The following SLC35F3 variants were observed in gnomAD, a reference collection of about 807,000 sequenced individuals.
The protein encoded by SLC35F3 is putative thiamine transporter SLC35F3.
SLC35F3 carries 25 observed loss-of-function variants against 49.9 expected under a neutral mutation model. That is an observed-to-expected ratio of 0.50 (90% CI 0.37 to 0.70). The LOEUF is 0.70. Among genes scored for constraint, SLC35F3 ranks in the 30% least tolerant of loss-of-function variants. The pLI is 0.00. For missense variants in SLC35F3, 525 were observed against 639.8 expected, an observed-to-expected ratio of 0.82 and a Z score of 1.94; for synonymous variants, 275 against 265.4, an observed-to-expected ratio of 1.04 and a Z score of -0.35.
At chr1:234,167,508 G>A (rs928033543) in intron 2 of SLC35F3, among the ~76,000 whole-genome samples, 1 of 152,172 alleles carries the variant, frequency 6.6e-6, no homozygotes, top group Non-Finnish European at 1.5e-5. Context: ...TGGAGCTACT[G>A]TATTTTGATT....
At chr1:234,241,964 G>A (rs577696630) in intron 3 of SLC35F3, among the ~76,000 whole-genome samples, 17 of 152,154 alleles carry the variant, frequency 1.1e-4, no homozygotes, top group Admixed American at 2.0e-4. Flanking sequence ...ATATTTCTTT[G>A]GGTAATAATC....
chr1:233,993,981 G>T (rs890375032), intron 2 of SLC35F3, among the ~76,000 whole-genome samples: 1 of 152,202 alleles, frequency 6.6e-6, no homozygotes, highest in African/African-American at 2.4e-5. Context: ...CTGGTTACCA[G>T]AGTGAAAAAT....
intron 2 of SLC35F3, among the ~76,000 whole-genome samples, chr1:234,170,694 C>T (rs1407737944): frequency 6.6e-6 from 1 of 152,168 alleles, no homozygotes; most frequent in African/African-American, 2.4e-5. Context: ...GAGGCCAGAG[C>T]TGAAAACAAG....
intron 2 of SLC35F3, among the ~76,000 whole-genome samples, chr1:234,038,087 A>G (rs1664170080): frequency 6.7e-6 from 1 of 149,672 alleles, no homozygotes; most frequent in African/African-American, 2.5e-5. Flanking sequence ...AGCATTAGGT[A>G]TATCTCCTAA....
chr1:234,000,064 C>T (rs1366701881), intron 2 of SLC35F3, among the ~76,000 whole-genome samples: 1 of 152,182 alleles, frequency 6.6e-6, no homozygotes, highest in African/African-American at 2.4e-5. Flanking sequence ...TCCTCTTAAT[C>T]ACAAAAACTC....
intron 3 of SLC35F3, among the ~76,000 whole-genome samples, chr1:234,301,521 T>C (rs1175433005): frequency 6.6e-6 from 1 of 152,184 alleles, no homozygotes; most frequent in Non-Finnish European, 1.5e-5. Flanking sequence ...GAATGGCAAT[T>C]ATTAAAAAGT....
intron 2 of SLC35F3, among the ~76,000 whole-genome samples, chr1:233,998,915 G>A (rs1663505361): frequency 6.6e-6 from 1 of 152,116 alleles, no homozygotes; most frequent in Non-Finnish European, 1.5e-5. Context: ...GCCTCTGGGT[G>A]CCAGACAGTT....
At chr1:234,186,259 C>G (rs118137502) in intron 2 of SLC35F3, among the ~76,000 whole-genome samples, 1 of 151,802 alleles carries the variant, frequency 6.6e-6, no homozygotes, top group Admixed American at 6.6e-5. Flanking sequence ...CAGTGGGCTC[C>G]GCTCTGCTGA....
chr1:233,938,689 G>A (rs1409682919), intron 2 of SLC35F3, among the ~76,000 whole-genome samples: 1 of 151,696 alleles, frequency 6.6e-6, no homozygotes, highest in African/African-American at 2.4e-5. Context: ...TGGATGGATG[G>A]ATGGATGGAT....
chr1:234,033,092 G>A (rs558619171), intron 2 of SLC35F3, among the ~76,000 whole-genome samples: 4 of 151,322 alleles, frequency 2.6e-5, no homozygotes, highest in South Asian at 2.1e-4. Context: ...TTTGATTTGC[G>A]TTTCCCTGAT....
At chr1:234,220,430 T>C (rs1214504375) in intron 2 of SLC35F3, among the ~76,000 whole-genome samples, 1 of 152,164 alleles carries the variant, frequency 6.6e-6, no homozygotes, top group Non-Finnish European at 1.5e-5. Context: ...ACAGCAGCAG[T>C]CCACACATGA....
At chr1:234,090,938 C>A (rs539848209) in intron 2 of SLC35F3, among the ~76,000 whole-genome samples, 1 of 152,174 alleles carries the variant, frequency 6.6e-6, no homozygotes, top group Non-Finnish European at 1.5e-5. Context: ...GTTAGCCCTC[C>A]GTTTCAACAC....
intron 2 of SLC35F3, among the ~76,000 whole-genome samples, chr1:234,082,630 G>T (rs1039942278): frequency 6.6e-6 from 1 of 152,130 alleles, no homozygotes; most frequent in African/African-American, 2.4e-5. Context: ...TCACACTGCT[G>T]ATGAAGACAT....
intron 3 of SLC35F3, among the ~76,000 whole-genome samples, chr1:234,295,213 A>T (rs1668573262): frequency 6.6e-6 from 1 of 152,240 alleles, no homozygotes; most frequent in African/African-American, 2.4e-5. Context: ...ACAGCAGGTG[A>T]CATTAACATG....
At chr1:234,309,028 ACT>A in intron 3 of SLC35F3, 71 bp from the exon 4 acceptor site, 1 of 1,290,712 alleles carries the variant, frequency 7.7e-7, no homozygotes, top group Non-Finnish European at 1.1e-6. Context: ...AAAAAAAAAA[ACT>A]TGCTATAGGA....
At chr1:234,314,073 C>A (rs1031001597) in intron 4 of SLC35F3, among the ~76,000 whole-genome samples, 3 of 152,146 alleles carry the variant, frequency 2.0e-5, no homozygotes, top group Non-Finnish European at 4.4e-5. Context: ...GAGTGGAAGG[C>A]CCACAGCCAG....
chr1:234,260,638 A>G (rs1389729213), intron 3 of SLC35F3, among the ~76,000 whole-genome samples: 1 of 152,206 alleles, frequency 6.6e-6, no homozygotes, highest in Admixed American at 6.5e-5. Context: ...TTATCTTAAT[A>G]CTATGGACAG....
intron 2 of SLC35F3, among the ~76,000 whole-genome samples, chr1:234,084,468 A>T (rs6667346): frequency 0.015 from 2,281 of 152,314 alleles, 57 homozygotes; most frequent in African/African-American, 0.052. Context: ...CTCAGAACCA[A>T]CTAACTTTTG....
chr1:234,245,964 C>T (rs1158675654), intron 3 of SLC35F3, among the ~76,000 whole-genome samples: 9 of 152,214 alleles, frequency 5.9e-5, no homozygotes, highest in East Asian at 1.9e-4. Context: ...CGAGCCTGCC[C>T]AGTTTCAAGG....
Sources: allele counts gnomAD v4.1 joint callset (sites outside exome capture counted in the v4.1 genomes callset), GRCh38; gene constraint gnomAD v4.1.1; transcripts MANE v1.5; gene names NCBI Gene and HGNC (gene_info 2026-07-23, HGNC 2026-07-21).